Variants in MDM2 observed in about 807,000 individuals in gnomAD.
The protein encoded by MDM2 is E3 ubiquitin-protein ligase Mdm2.
MDM2 carries 11 observed loss-of-function variants against 64.3 expected under a neutral mutation model. The observed-to-expected ratio is 0.17, with a 90% CI of 0.11 to 0.28. The LOEUF is 0.28. Ranked by LOEUF, MDM2 falls within the 10% of genes least tolerant of loss-of-function variation. The pLI is 1.00. For synonymous variants in MDM2, 194 were observed against 192.9 expected (o/e 1.01, Z -0.05); for missense variants, 388 against 577.1 (o/e 0.67, Z 3.36).
rs1565747531 is a variant in MDM2 at position 68,839,312 on chromosome 12, C to T, written c.957C>T (p.Pro319=). 1 of 1,613,688 alleles carries T rather than the reference C, an allele frequency of 6.2e-7. No individual in the cohort carries two copies. The highest frequency in any genetic ancestry group is 8.5e-7 in the Non-Finnish European group (1 of 1,179,906). The change falls in exon 11 of 11, where the codon CCC becomes CCT. Residue 319 remains proline (P), a synonymous_variant. Coordinates refer to ENST00000258149, the MANE Select transcript of MDM2 (RefSeq NM_002392.6). Reference sequence around the variant, plus strand: ...GCACTTCATGCAATGAAATGAATCCCCCCCTTCCATCACATTGCAACAGAT... The same window carrying T: ...GCACTTCATGCAATGAAATGAATCCTCCCCTTCCATCACATTGCAACAGAT... ...WKCTSCNEMN[P]PLPSHCNRCW...
intron 8 of MDM2, among the ~76,000 whole-genome samples, chr12:68,829,279 A>G (rs985523963): frequency 3.9e-5 from 6 of 152,242 alleles, no homozygotes; most frequent in Admixed American, 2.0e-4. Flanking sequence ...TGAGAGTTAC[A>G]CTTTTTAAAA....
chr12:68,809,126 G>GT, intron 1 of MDM2, 82 bp from the exon 2 acceptor site: 1 of 1,577,942 alleles, frequency 6.3e-7, no homozygotes, highest in Admixed American at 1.9e-5. Context: ...TTTAACTGTT[G>GT]TTTATGTTCT....
chr12:68,808,195 C>A lies in MDM2; in HGVS notation c.-283C>A, dbSNP rs200582539. On this transcript the variant is annotated 5_prime_UTR_variant, in exon 1 of 11. Coordinates refer to ENST00000258149, the MANE Select transcript of MDM2 (RefSeq NM_002392.6). ...CGGTAGGGGGCGCGCACCGAGGCAC[C>A]GCGGCGAGCTTGGCTGCTTCTGGGG... 5.8e-6 allele frequency: 3 copies of A among 514,014 alleles called. No individual in the cohort carries two copies. Among genetic ancestry groups the A allele is most frequent in the Non-Finnish European group, 1.0e-5 (3 of 292,830 alleles). The allele number at this position is 514,014 out of a possible 1,614,324, so 31.8% of individuals were successfully genotyped here. A position where few individuals can be genotyped will look rare whatever the true frequency, so the allele number is the denominator to read the frequency against.
At chr12:68,818,658 T>C (rs1881594162) in intron 4 of MDM2, among the ~76,000 whole-genome samples, 1 of 150,370 alleles carries the variant, frequency 6.7e-6, no homozygotes, top group African/African-American at 2.4e-5. Context: ...GTTGTCATTT[T>C]ATACGTGGCC....
intron 5 of MDM2, among the ~76,000 whole-genome samples, chr12:68,820,893 A>G (rs538462144): frequency 6.6e-6 from 1 of 152,310 alleles, no homozygotes; most frequent in East Asian, 1.9e-4. Context: ...AGAAAGATGC[A>G]CATGTATATA....
chr12:68,816,273 A>G (rs1881362962), intron 3 of MDM2, among the ~76,000 whole-genome samples: 1 of 152,108 alleles, frequency 6.6e-6, no homozygotes, highest in Admixed American at 6.6e-5. Context: ...TACAAGGAAA[A>G]AAACCTCACA....
At chr12:68,811,251 G>A (rs1880863206) in intron 2 of MDM2, among the ~76,000 whole-genome samples, 1 of 152,030 alleles carries the variant, frequency 6.6e-6, no homozygotes. Flanking sequence ...ATTTTTCTTA[G>A]TAATTGGAGT....
chr12:68,819,585 G>A (rs184777467), intron 4 of MDM2, among the ~76,000 whole-genome samples: 2 of 152,266 alleles, frequency 1.3e-5, no homozygotes, highest in East Asian at 3.9e-4. Context: ...TCTGCCTCCC[G>A]GGTTTAAGTG....
intron 8 of MDM2, among the ~76,000 whole-genome samples, chr12:68,833,149 A>AAAAATATATAT (rs1555187768): frequency 4.5e-5 from 3 of 65,976 alleles, no homozygotes; most frequent in African/African-American, 1.8e-4. Flanking sequence ...AAAAAAAAAA[A>AAAAATATATAT]ATATATATAT....
intron 2 of MDM2, 106 bp from the exon 3 acceptor site, chr12:68,813,448 A>T: frequency 2.8e-6 from 2 of 708,340 alleles, no homozygotes; most frequent in Non-Finnish European, 2.5e-6. Context: ...CCTCCCCAGC[A>T]TTTTTTCCAA....
At position 68,842,379 on chromosome 12, in the gene MDM2, G is replaced by A; in HGVS notation, c.*2530G>A. The A allele has an allele frequency of 2.0e-6, 1 of 493,294 alleles. No individual in the cohort carries two copies. Among genetic ancestry groups the A allele is most frequent in the Non-Finnish European group, 4.0e-6 (1 of 249,274 alleles). The allele number at this position is 493,294 out of a possible 1,614,324, so 30.6% of individuals were successfully genotyped here. A position where few individuals can be genotyped will look rare whatever the true frequency, so the allele number is the denominator to read the frequency against. ...TTAACAGGATGCAGACATGGCAGAG[G>A]TTTCCTAAAAATCTCATTATCTATA... On this transcript the variant is annotated 3_prime_UTR_variant, in exon 11 of 11. Transcript: ENST00000258149.
rs1358364239 is a variant in MDM2, at chr12:68,842,194, C to CA, written c.*2346dup. 8.0e-6 allele frequency: 4 copies of CA among 500,178 alleles called. No individual in the cohort carries two copies. The highest frequency in any genetic ancestry group is 1.6e-5 in the Non-Finnish European group (4 of 253,926). The allele number at this position is 500,178 out of a possible 1,614,324, so 31.0% of individuals were successfully genotyped here. A position where few individuals can be genotyped will look rare whatever the true frequency, so the allele number is the denominator to read the frequency against. On this transcript the variant is annotated 3_prime_UTR_variant, in exon 11 of 11. Transcript: ENST00000258149. ...AATAAAACTACTGATGCAGTGAAGA[C>CA]AGTTGAAAAGATCAAACAAATGCCA...
At chr12:68,839,157 A>T (rs966871631) in intron 10 of MDM2, 117 bp from the exon 11 acceptor site, 8 of 856,760 alleles carry the variant, frequency 9.3e-6, no homozygotes, top group Non-Finnish European at 1.3e-5. Context: ...AACATGAAAC[A>T]CTGAATATTG....
intron 5 of MDM2, among the ~76,000 whole-genome samples, chr12:68,822,275 A>G (rs1017051293): frequency 1.1e-4 from 17 of 152,154 alleles, no homozygotes; most frequent in African/African-American, 3.9e-4. Flanking sequence ...TATTCTTCCA[A>G]AGTTAGGATT....
In MDM2 at chr12:68,842,306, CCT is replaced by C. The variant is rs1404732297; in HGVS notation, c.*2458_*2459del. 6.1e-6 allele frequency: 3 copies of C among 495,840 alleles called. No individual in the cohort carries two copies. The highest frequency in any genetic ancestry group is 2.3e-5 in the Admixed American group (1 of 43,574). The allele number at this position is 495,840 out of a possible 1,614,324, so 30.7% of individuals were successfully genotyped here. The stretch of plus-strand genomic sequence containing the variant: ...AAGTCAGGCAAAACTCATCTTGACC[CCT>C]GTTGCAGGCAAAGGAACGCAGCTGG... On this transcript the variant is annotated 3_prime_UTR_variant, in exon 11 of 11. Coordinates refer to ENST00000258149, the MANE Select transcript of MDM2 (RefSeq NM_002392.6).
rs1592563370 is a variant in MDM2, at chr12:68,808,253, C to A, written c.-225C>A. The A allele has an allele frequency of 8.4e-6, 5 of 596,510 alleles. No individual in the cohort carries two copies. In the East Asian group the frequency reaches 1.5e-4, roughly 18 times the overall value. 37.0% of individuals were successfully genotyped at this position (596,510 alleles called of 1,614,324 possible). On this transcript the variant is annotated 5_prime_UTR_variant, in exon 1 of 11. Transcript: ENST00000258149. ...GGCCCTGTGTGTCGGAAAGATGGAG[C>A]AAGAAGCCGAGCCCGAGGGGCGGCC... is the stretch of plus-strand genomic sequence containing the variant.
At chr12:68,817,982 C>T (rs1384917384) in intron 4 of MDM2, among the ~76,000 whole-genome samples, 1 of 151,798 alleles carries the variant, frequency 6.6e-6, no homozygotes, top group Non-Finnish European at 1.5e-5. Context: ...TTAGTAGAGA[C>T]AGGGTTTCAC....
At chr12:68,850,615 T>G in the MDM2 span, 1 of 152,204 alleles carries the variant, frequency 6.6e-6, no homozygotes, top group African/African-American at 2.4e-5. Flanking sequence ...GGAGGCAAAT[T>G]CTTTGTTTAC....
rs978654681 is a variant in MDM2 at position 68,808,351 on chromosome 12, A to G, written c.-127A>G. On this transcript the variant is annotated 5_prime_UTR_variant, in exon 1 of 11. Transcript: ENST00000258149. ...GTCCCTCCCCGGATTAGTGCGTACG[A>G]GCGCCCAGTGCCCTGGCCCGGAGAG... 2.4e-5 allele frequency: 30 copies of G among 1,276,066 alleles called. 1 individual carries two copies. In the African/African-American group the frequency reaches 3.2e-4, roughly 14 times the overall value. The allele number at this position is 1,276,066 out of a possible 1,614,324, so 79.0% of individuals were successfully genotyped here. A position where few individuals can be genotyped will look rare whatever the true frequency, so the allele number is the denominator to read the frequency against.
Sources: allele counts gnomAD v4.1 joint callset (sites outside exome capture counted in the v4.1 genomes callset), GRCh38; gene constraint gnomAD v4.1.1; transcripts MANE v1.5; gene names NCBI Gene and HGNC (gene_info 2026-07-23, HGNC 2026-07-21).